Variants in CMSS1 observed in about 807,000 individuals in gnomAD.
CMSS1 encodes the protein cms1 ribosomal small subunit homolog, also known as protein CMSS1.
A neutral mutation model predicts 43.5 loss-of-function variants in CMSS1; 33 were observed. The observed-to-expected ratio is 0.76, with a 90% CI of 0.57 to 1.01. The LOEUF (loss-of-function observed/expected upper bound fraction) is 1.01, where lower values mean the gene tolerates loss of function less well. Among genes scored for constraint, CMSS1 ranks in the 50% least tolerant of loss-of-function variants. CMSS1 has a pLI of 0.00. For missense variants in CMSS1, 313 were observed against 326.4 expected, an observed-to-expected ratio of 0.96 and a Z score of 0.32; for synonymous variants, 115 against 117.2, an observed-to-expected ratio of 0.98 and a Z score of 0.12.
At chr3:99,915,787 T>G (rs1706931772) in intron 1 of CMSS1, among the ~76,000 whole-genome samples, 1 of 152,198 alleles carries the variant, frequency 6.6e-6, no homozygotes, top group African/African-American at 2.4e-5. Flanking sequence ...TATCCTTTGT[T>G]GTCATTAGCC....
Position 99,948,643 on chromosome 3 carries a change from GAGAA to G in CMSS1, c.64+130608_64+130611del, listed in dbSNP as rs538050686. Among the ~76,000 whole-genome samples, 108 of 148,270 alleles carry G rather than the reference GAGAA, an allele frequency of 7.3e-4. 1 individual carries two copies. In the South Asian group the frequency reaches 0.02, roughly 28 times the overall value. On this transcript the variant is annotated intron_variant, in intron 1 of 9. Transcript: ENST00000421999. ...AGAGAGAGGAAGGAGGAGGAGGAGG[GAGAA>G]AGAAAGAGGGGAAGGGAAGGGAAAG...
At chr3:99,953,001 G>C (rs762149766) in intron 1 of CMSS1, among the ~76,000 whole-genome samples, 3 of 152,132 alleles carry the variant, frequency 2.0e-5, no homozygotes, top group Non-Finnish European at 4.4e-5. Context: ...AGTGGTCTCT[G>C]AAGGTGGATT....
intron 1 of CMSS1, among the ~76,000 whole-genome samples, chr3:99,992,134 G>T (rs1051815681): frequency 6.6e-6 from 1 of 151,814 alleles, no homozygotes; most frequent in East Asian, 1.9e-4. Context: ...AAAAATACAA[G>T]TGCAGCTATC....
chr3:99,903,651 G>T (rs759868062), intron 1 of CMSS1, among the ~76,000 whole-genome samples: 1 of 152,068 alleles, frequency 6.6e-6, no homozygotes. Context: ...TCCAAAAATT[G>T]GCTGTTAGGA....
At chr3:100,143,894 A>G (rs531701632) in intron 1 of CMSS1, among the ~76,000 whole-genome samples, 3 of 152,118 alleles carry the variant, frequency 2.0e-5, no homozygotes, top group African/African-American at 4.8e-5. Context: ...CTTTCCACTG[A>G]CCAATATTTT....
chr3:100,129,244 G>A (rs1275745107), intron 1 of CMSS1, among the ~76,000 whole-genome samples: 5 of 152,192 alleles, frequency 3.3e-5, no homozygotes, highest in Non-Finnish European at 5.9e-5. Flanking sequence ...TCGGGGCTTA[G>A]CACAGTGCCT....
intron 1 of CMSS1, among the ~76,000 whole-genome samples, chr3:100,021,727 G>A (rs957813134): frequency 5.9e-5 from 9 of 152,122 alleles, no homozygotes; most frequent in Admixed American, 1.3e-4. Flanking sequence ...TGAAAGCTTT[G>A]TAAAGGGAAC....
At chr3:100,093,191 C>T (rs2066143052) in intron 1 of CMSS1, among the ~76,000 whole-genome samples, 1 of 152,082 alleles carries the variant, frequency 6.6e-6, no homozygotes, top group South Asian at 2.1e-4. Flanking sequence ...GGACCTCTGG[C>T]CTAACATATT....
rs150729840 is a variant in CMSS1 at position 99,999,468 on chromosome 3, T to C, written c.65-147505T>C. ...GCAACAACTGCCTAAAATTGTTTAGTAGATTATCGACAGACTTTATTTAGA... is the reference window on the plus strand; with the variant it reads ...GCAACAACTGCCTAAAATTGTTTAGCAGATTATCGACAGACTTTATTTAGA... On this transcript the variant is annotated intron_variant, in intron 1 of 9. Coordinates refer to ENST00000421999, the MANE Select transcript of CMSS1 (RefSeq NM_032359.4). 4.6e-3 allele frequency among the ~76,000 whole-genome samples: 707 copies of C among 152,288 alleles called. 2 individuals are homozygous for C. The highest frequency in any genetic ancestry group is 7.0e-3 in the South Asian group (34 of 4,830).
intron 1 of CMSS1, among the ~76,000 whole-genome samples, chr3:99,828,030 G>A (rs1007153357): frequency 6.6e-6 from 1 of 152,180 alleles, no homozygotes; most frequent in African/African-American, 2.4e-5. Context: ...AAACAATTTT[G>A]AAAGCTTCAA....
intron 1 of CMSS1, among the ~76,000 whole-genome samples, chr3:99,845,566 A>G (rs757402340): frequency 2.6e-5 from 4 of 152,148 alleles, no homozygotes; most frequent in South Asian, 4.1e-4. Flanking sequence ...GGGGAGTTCT[A>G]TGATTATCTG....
chr3:99,901,844 G>C (rs1178435017), intron 1 of CMSS1, among the ~76,000 whole-genome samples: 1 of 152,074 alleles, frequency 6.6e-6, no homozygotes, highest in Admixed American at 6.6e-5. Flanking sequence ...ACATTTTTAA[G>C]ATTTATACAT....
At chr3:99,930,914 T>G in intron 1 of CMSS1, 1 of 1,613,686 alleles carries the variant, frequency 6.2e-7, no homozygotes, top group East Asian at 2.2e-5. Context: ...GTCTTTGTCT[T>G]GCTGTCTATG....
intron 1 of CMSS1, among the ~76,000 whole-genome samples, chr3:100,102,014 C>G (rs1036099214): frequency 6.6e-5 from 10 of 152,142 alleles, no homozygotes; most frequent in African/African-American, 2.2e-4. Context: ...TTAATCCAGT[C>G]GATCATTGTT....
intron 1 of CMSS1, among the ~76,000 whole-genome samples, chr3:99,890,726 CTG>C (rs1475486270): frequency 6.6e-6 from 1 of 150,888 alleles, no homozygotes; most frequent in African/African-American, 2.4e-5. Context: ...TACCAATCCG[CTG>C]TTTTTTTTTT....
chr3:99,944,045 A>C (rs1055440775), intron 1 of CMSS1, among the ~76,000 whole-genome samples: 2 of 152,254 alleles, frequency 1.3e-5, no homozygotes, highest in African/African-American at 4.8e-5. Context: ...CTCTTGGTTC[A>C]GCAGACATGC....
intron 1 of CMSS1, among the ~76,000 whole-genome samples, chr3:100,109,813 T>C (rs972246706): frequency 6.6e-6 from 1 of 151,926 alleles, no homozygotes; most frequent in African/African-American, 2.4e-5. Context: ...ATAAGTTAGC[T>C]GCTAAAGTAG....
intron 1 of CMSS1, among the ~76,000 whole-genome samples, chr3:99,959,943 A>T (rs144643666): frequency 6.6e-6 from 1 of 152,182 alleles, no homozygotes; most frequent in African/African-American, 2.4e-5. Context: ...ATGCATTCAG[A>T]TGGCTAACAT....
intron 1 of CMSS1, among the ~76,000 whole-genome samples, chr3:100,122,836 G>A (rs927450681): frequency 3.9e-5 from 6 of 152,116 alleles, no homozygotes; most frequent in Non-Finnish European, 8.8e-5. Flanking sequence ...ACCTCTAATA[G>A]TAATCCAGAT....
Sources: allele counts gnomAD v4.1 joint callset (sites outside exome capture counted in the v4.1 genomes callset), GRCh38; gene constraint gnomAD v4.1.1; transcripts MANE v1.5; gene names NCBI Gene and HGNC (gene_info 2026-07-23, HGNC 2026-07-21).